Variants in STARD6 observed in about 807,000 individuals in gnomAD.
STARD6 encodes stAR-related lipid transfer protein 6.
Under a neutral mutation model 22.3 loss-of-function variants are expected in STARD6, and 21 were observed. That is an observed-to-expected ratio of 0.94 (90% CI 0.67 to 1.35). The LOEUF (loss-of-function observed/expected upper bound fraction) is 1.35. Among genes scored for constraint, STARD6 ranks in the 40% most tolerant of loss-of-function variants. The pLI, the probability that STARD6 is intolerant of heterozygous loss-of-function variation, is 0.00. For synonymous variants in STARD6, 80 were observed against 88.1 expected (o/e 0.91, Z 0.52); for missense variants, 269 against 266.9 (o/e 1.01, Z -0.05).
In STARD6 at chr18:54,354,539, T is replaced by TG; in HGVS notation, c.34dup (p.Gln12ProfsTer7). The TG allele has an allele frequency of 6.2e-7, 1 of 1,613,302 alleles. No homozygotes were observed. The highest frequency in any genetic ancestry group is 8.5e-7 in the Non-Finnish European group (1 of 1,179,616). ...ATCTCGATTATAACCTAAAACTTCTTGGGCAGTTTGTTGGGCAATTGCCTT... is the reference window on the plus strand; with the variant it reads ...ATCTCGATTATAACCTAAAACTTCTTGGGGCAGTTTGTTGGGCAATTGCCTT... On this transcript the variant is annotated frameshift_variant, in exon 3 of 8. Coordinates refer to ENST00000307844, the MANE Select transcript of STARD6 (RefSeq NM_139171.2).
chr18:54,356,163 C>T (rs536428393), intron 2 of STARD6, among the ~76,000 whole-genome samples, 198 bp downstream of exon 2: 4 of 152,198 alleles, frequency 2.6e-5, no homozygotes, highest in Non-Finnish European at 5.9e-5. Context: ...CTTAAATAAA[C>T]CTTCTTAAAG....
rs370288632 is a variant in STARD6, at chr18:54,341,758, G to C, written c.141-4507C>G. On this transcript the variant is annotated intron_variant, in intron 4 of 7. Coordinates refer to ENST00000307844, the MANE Select transcript of STARD6 (RefSeq NM_139171.2). Reference sequence around the variant, plus strand: ...CCCAACATGCCAAAACTTATGGGATGCTGCAAAAGCAGTGCTTAGAGGAAA... The same window carrying C: ...CCCAACATGCCAAAACTTATGGGATCCTGCAAAAGCAGTGCTTAGAGGAAA... Among the ~76,000 whole-genome samples, 167 of 152,298 alleles carry C rather than the reference G, an allele frequency of 1.1e-3. 4 individuals are homozygous for C. In the South Asian group the frequency reaches 0.03, roughly 28 times the overall value.
At chr18:54,351,313 T>C (rs1285547702) in intron 4 of STARD6, among the ~76,000 whole-genome samples, 1 of 152,236 alleles carries the variant, frequency 6.6e-6, no homozygotes, top group Non-Finnish European at 1.5e-5. Context: ...TACTGATTTG[T>C]GTACACTGAC....
intron 7 of STARD6, among the ~76,000 whole-genome samples, chr18:54,325,301 CATATATAAAT>C (rs1342785172): frequency 6.6e-6 from 1 of 152,108 alleles, no homozygotes; most frequent in East Asian, 1.9e-4. Flanking sequence ...ATGTTCCCCA[CATATATAAAT>C]ATAGTTTTAT....
At chr18:54,344,583 T>TAAAAAAAAAAAAAAAA (rs55736082) in intron 4 of STARD6, among the ~76,000 whole-genome samples, 6 of 94,056 alleles carry the variant, frequency 6.4e-5, no homozygotes, top group East Asian at 2.6e-4. Flanking sequence ...AAAAATAAAT[T>TAAAAAAAAAAAAAAAA]AAAAAAAAAA....
chr18:54,330,315 T>C (rs963247060), intron 6 of STARD6, among the ~76,000 whole-genome samples: 3 of 152,026 alleles, frequency 2.0e-5, no homozygotes, highest in African/African-American at 7.2e-5. Flanking sequence ...AGAGTGATCT[T>C]ATTATAAAAG....
At chr18:54,341,318 C>T (rs2088967702) in intron 4 of STARD6, among the ~76,000 whole-genome samples, 3 of 152,202 alleles carry the variant, frequency 2.0e-5, no homozygotes, top group Admixed American at 2.0e-4. Flanking sequence ...CTCAGCCTCC[C>T]AAAGTGCTGG....
chr18:54,334,660 A>G (rs943452131), intron 5 of STARD6, among the ~76,000 whole-genome samples: 1 of 151,608 alleles, frequency 6.6e-6, no homozygotes, highest in Non-Finnish European at 1.5e-5. Context: ...CCTAACCTCC[A>G]TTTTGTTACC....
chr18:54,325,983 A>G (rs1373008731), intron 7 of STARD6, among the ~76,000 whole-genome samples: 1 of 152,240 alleles, frequency 6.6e-6, no homozygotes, highest in Non-Finnish European at 1.5e-5. Flanking sequence ...CACTGGGGTC[A>G]GAAAGGGTGA....
intron 5 of STARD6, among the ~76,000 whole-genome samples, chr18:54,335,890 A>G (rs996450801): frequency 6.6e-6 from 1 of 152,112 alleles, no homozygotes; most frequent in East Asian, 1.9e-4. Context: ...CTTCCTGTGA[A>G]GCCTATAGAA....
At chr18:54,341,917 G>A (rs915192665) in intron 4 of STARD6, among the ~76,000 whole-genome samples, 1 of 152,046 alleles carries the variant, frequency 6.6e-6, no homozygotes, top group South Asian at 2.1e-4. Context: ...AAATAATAAG[G>A]ATTACAGTAG....
At chr18:54,328,086 T>C (rs991495397) in intron 7 of STARD6, among the ~76,000 whole-genome samples, 1 of 152,104 alleles carries the variant, frequency 6.6e-6, no homozygotes, top group Admixed American at 6.6e-5. Flanking sequence ...CTCTTGATTA[T>C]GAGATTAAAA....
intron 5 of STARD6, among the ~76,000 whole-genome samples, chr18:54,333,537 T>G (rs531448688): frequency 6.6e-6 from 1 of 152,340 alleles, no homozygotes; most frequent in African/African-American, 2.4e-5. Context: ...TGGATTTTCA[T>G]TTGTGATGCC....
At chr18:54,327,557 T>G (rs187951979) in intron 7 of STARD6, among the ~76,000 whole-genome samples, 35 of 152,362 alleles carry the variant, frequency 2.3e-4, no homozygotes, top group Non-Finnish European at 2.2e-4. Context: ...ATGGTATTTA[T>G]AATCTACTGG....
chr18:54,336,549 A>G (rs1478823325), intron 5 of STARD6, among the ~76,000 whole-genome samples: 1 of 152,194 alleles, frequency 6.6e-6, no homozygotes, highest in Admixed American at 6.5e-5. Context: ...CGGCGGACTC[A>G]TACACCTACT....
rs141496868 is a variant in STARD6, at chr18:54,337,915, C to T, written c.141-664G>A. ...ACTAATAGCAACAAAGAAACAAAGA[C>T]GACCAGCCAGAAGTTTAACAGAGAG... is the stretch of plus-strand genomic sequence containing the variant. On this transcript the variant is annotated intron_variant, in intron 4 of 7. Transcript: ENST00000307844. Among the ~76,000 whole-genome samples, 800 of 152,248 alleles carry T rather than the reference C, an allele frequency of 5.3e-3. 7 individuals are homozygous for T. Among genetic ancestry groups the T allele is most frequent in the South Asian group, 0.012 (60 of 4,818 alleles).
At chr18:54,338,927 C>T (rs1400300280) in intron 4 of STARD6, among the ~76,000 whole-genome samples, 1 of 151,180 alleles carries the variant, frequency 6.6e-6, no homozygotes, top group African/African-American at 2.4e-5. Flanking sequence ...ATGTGCCTGT[C>T]ATCCCAGCTA....
intron 4 of STARD6, among the ~76,000 whole-genome samples, chr18:54,342,080 TA>T (rs2088974201): frequency 6.6e-6 from 1 of 151,992 alleles, no homozygotes; most frequent in Non-Finnish European, 1.5e-5. Flanking sequence ...CCTATACAAA[TA>T]AAAAGGGTTG....
rs200176642 is a variant in STARD6, at chr18:54,342,464, C to T, written c.141-5213G>A. Reference sequence around the variant, plus strand: ...CCCTCTCCCTCTCCCTCTCCCTCTCCCTCCCTCTCCGTCTCCGTCTCCGTC... The same window carrying T: ...CCCTCTCCCTCTCCCTCTCCCTCTCTCTCCCTCTCCGTCTCCGTCTCCGTC... On this transcript the variant is annotated intron_variant, in intron 4 of 7. Coordinates refer to ENST00000307844, the MANE Select transcript of STARD6 (RefSeq NM_139171.2). Among the ~76,000 whole-genome samples the T allele has an allele frequency of 3.3e-3, 355 of 106,966 alleles. 3 individuals are homozygous for T. Among genetic ancestry groups the T allele is most frequent in the Non-Finnish European group, 3.8e-3 (203 of 53,718 alleles). 70.2% of individuals were successfully genotyped at this position (106,966 alleles called of 152,430 possible). A position where few individuals can be genotyped will look rare whatever the true frequency, so the allele number is the denominator to read the frequency against.
Sources: gnomAD v4.1 joint callset for allele counts (sites outside exome capture counted in the v4.1 genomes callset) on GRCh38, gnomAD v4.1.1 for gene constraint, MANE v1.5 for transcripts, NCBI Gene and HGNC (gene_info 2026-07-23, HGNC 2026-07-21) for gene names.